MRTFA: variants seen among roughly 807,000 people sequenced by gnomAD.
MRTFA encodes myocardin-related transcription factor A.
MRTFA carries 20 observed loss-of-function variants against 83.5 expected under a neutral mutation model. The observed-to-expected ratio is 0.24, with a 90% CI of 0.17 to 0.35. The LOEUF is 0.35. Among genes scored for constraint, MRTFA ranks in the 10% least tolerant of loss-of-function variants. The pLI, the probability that MRTFA is intolerant of heterozygous loss-of-function variation, is 1.00. For synonymous variants in MRTFA, 659 were observed against 541.2 expected (o/e 1.22, Z -3.02); for missense variants, 1,200 against 1,224.7 (o/e 0.98, Z 0.30).
In MRTFA at chr22:40,418,574, C is replaced by G. The variant is rs760354553; in HGVS notation, c.2164G>C (p.Val722Leu). 1.2e-5 allele frequency: 18 copies of G among 1,556,544 alleles called. No homozygotes were observed. The South Asian group carries it at 2.2e-4, about 19-fold the overall frequency. Reference sequence around the variant, plus strand: ...GGCTGCAAGGCTTCCTGCTTCACCACCACGGACGGGGGCCCCGGGGCCACA... The same window carrying G: ...GGCTGCAAGGCTTCCTGCTTCACCAGCACGGACGGGGGCCCCGGGGCCACA... The change falls in exon 12 of 15, where the codon GTG (valine) becomes CTG (leucine). Residue 722 changes from valine (V) to leucine (L), a missense_variant. Physicochemically the swap from Val to Leu is conservative, Grantham distance 32. Transcript: ENST00000355630.
intron 3 of MRTFA, among the ~76,000 whole-genome samples, chr22:40,471,199 T>C (rs1216898310): frequency 4.0e-5 from 4 of 99,554 alleles, no homozygotes; most frequent in African/African-American, 1.6e-4. Flanking sequence ...CTGGCCAACA[T>C]GACAAAGCCC....
At chr22:40,434,683 C>G (rs2053134307) in intron 5 of MRTFA, among the ~76,000 whole-genome samples, 1 of 152,204 alleles carries the variant, frequency 6.6e-6, no homozygotes, top group African/African-American at 2.4e-5. Flanking sequence ...GATCACGCCA[C>G]TGCACTCCAG....
intron 9 of MRTFA, among the ~76,000 whole-genome samples, chr22:40,422,639 G>C (rs1027595534): frequency 6.6e-6 from 1 of 152,250 alleles, no homozygotes; most frequent in Admixed American, 6.5e-5. Context: ...GGAAGCAAGA[G>C]GCAGCAGAGA....
At position 40,419,464 on chromosome 22, in the gene MRTFA, C is replaced by A. The variant is rs1462066905; in HGVS notation, c.1354-80G>T. 6.1e-6 allele frequency: 8 copies of A among 1,318,406 alleles called. No individual in the cohort carries two copies. In the East Asian group the frequency reaches 1.9e-4, roughly 31 times the overall value. 81.7% of individuals were successfully genotyped at this position (1,318,406 alleles called of 1,614,324 possible). On this transcript the variant is annotated intron_variant, in intron 11 of 14. Transcript: ENST00000355630. ...GGTCCAGGCAGAAGGGCAGTCTGGG[C>A]CCCATGGGCCACTGCAGATGCATCA... is the stretch of plus-strand genomic sequence containing the variant.
chr22:40,466,700 A>G lies in MRTFA; in HGVS notation c.242-3414T>C, dbSNP rs988505680. Among the ~76,000 whole-genome samples the G allele has an allele frequency of 3.3e-5, 5 of 152,376 alleles. No individual in the cohort carries two copies. In the East Asian group the frequency reaches 7.7e-4, roughly 23 times the overall value. ...TAAGTCTGAACACTTCAAAGAAACA[A>G]TAACATAAGCAATGGCTATTAATCC... is the stretch of plus-strand genomic sequence containing the variant. On this transcript the variant is annotated intron_variant, in intron 3 of 14. Coordinates refer to ENST00000355630, the MANE Select transcript of MRTFA (RefSeq NM_020831.6).
At chr22:40,607,362 GGCA>G (rs2056330071) in intron 1 of MRTFA, among the ~76,000 whole-genome samples, 1 of 152,064 alleles carries the variant, frequency 6.6e-6, no homozygotes, top group Non-Finnish European at 1.5e-5. Context: ...AAATTAGCAG[GGCA>G]TGCTGGTGGG....
intron 4 of MRTFA, among the ~76,000 whole-genome samples, chr22:40,445,723 T>G (rs2053364357): frequency 6.6e-6 from 1 of 152,180 alleles, no homozygotes; most frequent in African/African-American, 2.4e-5. Context: ...TAATTTTCTG[T>G]ATTTTTAGTA....
chr22:40,574,740 A>C (rs1176181967), intron 2 of MRTFA, among the ~76,000 whole-genome samples: 4 of 152,040 alleles, frequency 2.6e-5, no homozygotes, highest in Non-Finnish European at 4.4e-5. Context: ...GGCTTGTATT[A>C]GTTATTATAA....
intron 4 of MRTFA, among the ~76,000 whole-genome samples, chr22:40,459,840 T>TATATATATAC (rs1246690986): frequency 1.5e-5 from 2 of 135,250 alleles, no homozygotes; most frequent in Admixed American, 1.5e-4. Context: ...CATATATATA[T>TATATATATAC]ATATATATAT....
intron 3 of MRTFA, among the ~76,000 whole-genome samples, chr22:40,496,370 G>A (rs1555984458): frequency 6.9e-6 from 1 of 144,632 alleles, no homozygotes; most frequent in South Asian, 2.3e-4. Context: ...ATATGCACAG[G>A]AGAGAGTAGA....
At chr22:40,574,440 A>ATTT (rs1556012318) in intron 2 of MRTFA, among the ~76,000 whole-genome samples, 102 of 147,794 alleles carry the variant, frequency 6.9e-4, no homozygotes, top group African/African-American at 2.4e-3. Context: ...TATTATTATT[A>ATTT]TTTTTTTTTT....
At chr22:40,577,052 A>C (rs1308782989) in intron 2 of MRTFA, among the ~76,000 whole-genome samples, 2 of 152,012 alleles carry the variant, frequency 1.3e-5, no homozygotes, top group Non-Finnish European at 2.9e-5. Flanking sequence ...GGGAGACCTC[A>C]TCTCCACAAA....
intron 3 of MRTFA, among the ~76,000 whole-genome samples, chr22:40,479,437 G>C (rs376218201): frequency 6.6e-6 from 1 of 151,910 alleles, no homozygotes; most frequent in Non-Finnish European, 1.5e-5. Context: ...CTTTCCTCTC[G>C]CAAGTCCCCT....
chr22:40,601,687 A>G (rs886508626), intron 1 of MRTFA, among the ~76,000 whole-genome samples: 1 of 152,248 alleles, frequency 6.6e-6, no homozygotes, highest in Non-Finnish European at 1.5e-5. Flanking sequence ...ATGACTGGCC[A>G]TAACCTTTAA....
At chr22:40,436,504 G>A (rs963164287) in intron 4 of MRTFA, among the ~76,000 whole-genome samples, 7 of 152,084 alleles carry the variant, frequency 4.6e-5, no homozygotes, top group Non-Finnish European at 8.8e-5. Context: ...TGAGACGAAG[G>A]GCTCAGCTCT....
At chr22:40,574,095 C>T (rs547805056) in intron 2 of MRTFA, among the ~76,000 whole-genome samples, 1 of 152,170 alleles carries the variant, frequency 6.6e-6, no homozygotes, top group East Asian at 1.9e-4. Flanking sequence ...TTTTCTTTTC[C>T]TGTGAGTGCA....
At chr22:40,591,607 G>A (rs895944036) in intron 2 of MRTFA, among the ~76,000 whole-genome samples, 7 of 152,182 alleles carry the variant, frequency 4.6e-5, no homozygotes, top group African/African-American at 1.7e-4. Flanking sequence ...TAATACTGGA[G>A]TGGGGTAATG....
At chr22:40,553,498 G>A (rs2055474367) in intron 2 of MRTFA, among the ~76,000 whole-genome samples, 1 of 152,188 alleles carries the variant, frequency 6.6e-6, no homozygotes, top group Admixed American at 6.5e-5. Context: ...AGCTCAGGCT[G>A]AGGCTTCGAA....
intron 6 of MRTFA, 134 bp downstream of exon 6, chr22:40,431,271 G>A (rs1174231997): frequency 2.5e-6 from 2 of 786,574 alleles, no homozygotes; most frequent in Non-Finnish European, 4.4e-6. Context: ...CTGTCGTACG[G>A]TGTTAAGGCT....
Sources: allele counts gnomAD v4.1 joint callset (sites outside exome capture counted in the v4.1 genomes callset), GRCh38; gene constraint gnomAD v4.1.1; transcripts MANE v1.5; gene names NCBI Gene and HGNC (gene_info 2026-07-23, HGNC 2026-07-21).